Variants in TGFBR1 observed in about 807,000 individuals in gnomAD.
TGFBR1 encodes the protein transforming growth factor beta receptor 1.
In TGFBR1, 20 loss-of-function variants were observed where a neutral mutation model predicts 55.1. That is an observed-to-expected ratio of 0.36 (90% confidence interval 0.26 to 0.53). The LOEUF is 0.53. Among genes scored for constraint, TGFBR1 ranks in the 20% least tolerant of loss-of-function variants. The pLI is 0.91. For synonymous variants in TGFBR1, 220 were observed against 214.8 expected (o/e 1.02, Z -0.21); for missense variants, 385 against 617.6 (o/e 0.62, Z 3.99).
chr9:99,125,945 A>C (rs1827028005), intron 1 of TGFBR1, among the ~76,000 whole-genome samples: 1 of 152,198 alleles, frequency 6.6e-6, no homozygotes, highest in Non-Finnish European at 1.5e-5. Context: ...TGAGGCAATG[A>C]AAGACCCTTT....
chr9:99,132,494 G>A lies in TGFBR1; in HGVS notation c.344-15G>A, dbSNP rs899517379. 3 of 1,613,556 alleles carry A rather than the reference G, an allele frequency of 1.9e-6. No homozygotes were observed. Among genetic ancestry groups the A allele is most frequent in the South Asian group, 1.1e-5 (1 of 91,070 alleles). On this transcript the variant is annotated splice_polypyrimidine_tract_variant and intron_variant, in intron 2 of 8. Transcript: ENST00000374994. ...GTCGTTGTTGATGTTTATTTCACTCGAGGCCCTTTTTCAGTAAAGTCATCA... is the reference window on the plus strand; with the variant it reads ...GTCGTTGTTGATGTTTATTTCACTCAAGGCCCTTTTTCAGTAAAGTCATCA...
rs1827655038 is a variant in TGFBR1 at position 99,142,691 on chromosome 9, G to T, written c.961G>T (p.Val321Phe). ...SGLAHLHMEI[V>F]GTQGKPAIAH... ...TCTTGCCCATCTTCACATGGAGATT[G>T]TTGGTACCCAAGGTAATTCTATAAG... The change falls in exon 5 of 9, where the codon GTT (valine) becomes TTT (phenylalanine). Residue 321 changes from valine to phenylalanine, a missense_variant. Val to Phe is a conservative substitution (Grantham distance 50, BLOSUM62 -1). Transcript: ENST00000374994. 3.1e-6 allele frequency: 5 copies of T among 1,613,938 alleles called. No homozygotes were observed. Among genetic ancestry groups the T allele is most frequent in the African/African-American group, 1.3e-5 (1 of 74,924 alleles).
In TGFBR1 at chr9:99,151,113, AT is replaced by A; in HGVS notation, c.*1811del. 1 of 228,654 alleles carries A rather than the reference AT, an allele frequency of 4.4e-6. No homozygotes were observed. Among genetic ancestry groups the A allele is most frequent in the East Asian group, 6.3e-5 (1 of 15,818 alleles). The allele number at this position is 228,654 out of a possible 1,614,324, so 14.2% of individuals were successfully genotyped here. ...GTCTTATCTCTTATACGTAGAATAAATTTGAAAGACTATTTGATCTTAAAAC... is the reference window on the plus strand; with the variant it reads ...GTCTTATCTCTTATACGTAGAATAAATTGAAAGACTATTTGATCTTAAAAC... On this transcript the variant is annotated 3_prime_UTR_variant, in exon 9 of 9. Transcript: ENST00000374994.
Position 99,132,735 on chromosome 9 carries a change from C to G in TGFBR1, c.570C>G (p.Gly190=). 6.2e-7 allele frequency: 1 copy of G among 1,614,100 alleles called. No homozygotes were observed. The highest frequency in any genetic ancestry group is 8.5e-7 in the Non-Finnish European group (1 of 1,180,008). Reference sequence around the variant, plus strand: ...ATGATATGACAACGTCAGGTTCTGGCTCAGGTAACATAATTGTTTCTCCTT... The same window carrying G: ...ATGATATGACAACGTCAGGTTCTGGGTCAGGTAACATAATTGTTTCTCCTT... ...LIYDMTTSGS[G]SGLPLLVQRT... is the part of the protein sequence containing the mutation. The change falls in exon 3 of 9, where the codon GGC becomes GGG. Residue 190 remains glycine (G), a synonymous_variant. Coordinates refer to ENST00000374994, the MANE Select transcript of TGFBR1 (RefSeq NM_004612.4).
At chr9:99,148,366 GT>G (rs1827868029) in intron 8 of TGFBR1, among the ~76,000 whole-genome samples, 1 of 152,164 alleles carries the variant, frequency 6.6e-6, no homozygotes, top group African/African-American at 2.4e-5. Flanking sequence ...TTTTAGAAAC[GT>G]TTTTGTAATT....
intron 3 of TGFBR1, among the ~76,000 whole-genome samples, chr9:99,134,989 T>C (rs1417959694): frequency 6.6e-6 from 1 of 151,668 alleles, no homozygotes; most frequent in African/African-American, 2.4e-5. Context: ...TGTCTCATGC[T>C]TGAGTTATTT....
chr9:99,132,304 T>C (rs989456172), intron 2 of TGFBR1, among the ~76,000 whole-genome samples: 2 of 152,132 alleles, frequency 1.3e-5, no homozygotes, highest in African/African-American at 4.8e-5. Context: ...CTGACAGAGC[T>C]GGTGTGCATA....
At chr9:99,132,443 T>G (rs1827263536) in intron 2 of TGFBR1, 66 bp from the exon 3 acceptor site, 2 of 1,602,444 alleles carry the variant, frequency 1.2e-6, no homozygotes, top group Non-Finnish European at 1.7e-6. Flanking sequence ...ATTGGGAAAA[T>G]GGGGGTTGCC....
At chr9:99,128,573 T>C (rs1247147390) in intron 1 of TGFBR1, 7 of 507,950 alleles carry the variant, frequency 1.4e-5, no homozygotes, top group South Asian at 1.2e-4. Context: ...TTGATGAAAT[T>C]GAACATAACA....
chr9:99,138,180 G>A, intron 4 of TGFBR1, 91 bp downstream of exon 4: 1 of 1,136,548 alleles, frequency 8.8e-7, no homozygotes. Context: ...CAAAGTAGAT[G>A]AGACATAGAT....
intron 1 of TGFBR1, among the ~76,000 whole-genome samples, chr9:99,123,815 T>C (rs1198585812): frequency 6.6e-6 from 1 of 152,184 alleles, no homozygotes; most frequent in Admixed American, 6.5e-5. Context: ...TTTGGTGGCC[T>C]ACGAATAAAA....
At chr9:99,124,239 T>A (rs1826972429) in intron 1 of TGFBR1, among the ~76,000 whole-genome samples, 1 of 152,188 alleles carries the variant, frequency 6.6e-6, no homozygotes, top group Admixed American at 6.6e-5. Context: ...CTCAGGATTT[T>A]AATTATCTGT....
chr9:99,123,476 C>CCAA (rs1363769198), intron 1 of TGFBR1, among the ~76,000 whole-genome samples: 1 of 151,972 alleles, frequency 6.6e-6, no homozygotes, highest in East Asian at 1.9e-4. Flanking sequence ...AAATCAGGTC[C>CCAA]ACCTGGGAGT....
In TGFBR1 at chr9:99,152,657, T is replaced by C. The variant is rs199531451; in HGVS notation, c.*3352T>C. The stretch of plus-strand genomic sequence containing the variant: ...CATCATCAAAAGCTTATTTTTATTC[T>C]TGCACTGGAAGAATCGTAAGTCAAC... On this transcript the variant is annotated 3_prime_UTR_variant, in exon 9 of 9. Coordinates refer to ENST00000374994, the MANE Select transcript of TGFBR1 (RefSeq NM_004612.4). 8.8e-6 allele frequency: 2 copies of C among 227,402 alleles called. No homozygotes were observed. Among genetic ancestry groups the C allele is most frequent in the Non-Finnish European group, 1.7e-5 (2 of 114,324 alleles). The allele number at this position is 227,402 out of a possible 1,614,324, so 14.1% of individuals were successfully genotyped here. A position where few individuals can be genotyped will look rare whatever the true frequency, so the allele number is the denominator to read the frequency against.
rs372413948 is a variant in TGFBR1, at chr9:99,149,062, G to A, written c.1387-118G>A. Reference sequence around the variant, plus strand: ...CTACTCATTTGCTATTACAAATAATGCTTAAACAATAACAAGTGTATATGT... The same window carrying A: ...CTACTCATTTGCTATTACAAATAATACTTAAACAATAACAAGTGTATATGT... On this transcript the variant is annotated intron_variant, in intron 8 of 8. Coordinates refer to ENST00000374994, the MANE Select transcript of TGFBR1 (RefSeq NM_004612.4). The A allele has an allele frequency of 8.4e-6, 9 of 1,076,856 alleles. No individual in the cohort carries two copies. In the African/African-American group the frequency reaches 9.6e-5, roughly 11 times the overall value. The allele number at this position is 1,076,856 out of a possible 1,614,324, so 66.7% of individuals were successfully genotyped here.
chr9:99,136,515 A>G (rs945075554), intron 3 of TGFBR1, among the ~76,000 whole-genome samples: 1 of 152,252 alleles, frequency 6.6e-6, no homozygotes, highest in African/African-American at 2.4e-5. Context: ...ACTAAACAAC[A>G]TAATTAGAAT....
intron 1 of TGFBR1, among the ~76,000 whole-genome samples, chr9:99,125,014 CAA>C (rs1040905701): frequency 6.7e-6 from 1 of 149,108 alleles, no homozygotes; most frequent in East Asian, 1.9e-4. Context: ...AAGACAACTA[CAA>C]AAAAAAACAA....
chr9:99,108,771 C>G (rs779891908), intron 1 of TGFBR1, among the ~76,000 whole-genome samples: 40 of 152,258 alleles, frequency 2.6e-4, no homozygotes, highest in Admixed American at 4.6e-4. Flanking sequence ...ATGTATTAAC[C>G]TCTATCATTT....
chr9:99,145,554 A>G (rs1424148759), intron 6 of TGFBR1, among the ~76,000 whole-genome samples: 1 of 152,240 alleles, frequency 6.6e-6, no homozygotes. Flanking sequence ...TGCCTAATAC[A>G]TGGTAGATCC....
Sources: gnomAD v4.1 joint callset for allele counts (sites outside exome capture counted in the v4.1 genomes callset) on GRCh38, gnomAD v4.1.1 for gene constraint, MANE v1.5 for transcripts, NCBI Gene and HGNC (gene_info 2026-07-23, HGNC 2026-07-21) for gene names.